Variants in SGCZ observed in about 807,000 individuals in gnomAD.
SGCZ encodes zeta-sarcoglycan.
SGCZ carries 40 observed loss-of-function variants against 41.3 expected under a neutral mutation model. That is an observed-to-expected ratio of 0.97 (90% CI 0.75 to 1.26). SGCZ has a LOEUF of 1.26. Ranked by LOEUF, SGCZ falls within the 50% of genes most tolerant of loss-of-function variation. The pLI is 0.00. For synonymous variants in SGCZ, 206 were observed against 137.5 expected, an observed-to-expected ratio of 1.50 and a Z score of -3.49; for missense variants, 552 against 369.8, an observed-to-expected ratio of 1.49 and a Z score of -4.04.
intron 4 of SGCZ, among the ~76,000 whole-genome samples, chr8:14,176,377 T>C (rs936338431): frequency 6.6e-6 from 1 of 152,232 alleles, no homozygotes; most frequent in Non-Finnish European, 1.5e-5. Flanking sequence ...AATTTTTATG[T>C]TTATAATTTA....
intron 1 of SGCZ, among the ~76,000 whole-genome samples, chr8:14,839,161 T>C (rs1802811538): frequency 6.6e-6 from 1 of 152,150 alleles, no homozygotes; most frequent in Non-Finnish European, 1.5e-5. Context: ...TAAACTAGTA[T>C]GATATTGATA....
chr8:15,063,636 C>A (rs1805020821), intron 1 of SGCZ, among the ~76,000 whole-genome samples: 2 of 152,130 alleles, frequency 1.3e-5, no homozygotes, highest in Non-Finnish European at 2.9e-5. Context: ...TCTGAAATGA[C>A]TTTGAATATT....
At chr8:14,714,181 C>T (rs1280133111) in intron 1 of SGCZ, among the ~76,000 whole-genome samples, 2 of 152,088 alleles carry the variant, frequency 1.3e-5, no homozygotes, top group Non-Finnish European at 2.9e-5. Context: ...GTTGGCCAGG[C>T]TGGTTTCGAA....
At chr8:14,900,296 TG>T (rs1325247747) in intron 1 of SGCZ, among the ~76,000 whole-genome samples, 1 of 152,048 alleles carries the variant, frequency 6.6e-6, no homozygotes, top group African/African-American at 2.4e-5. Flanking sequence ...AAAAATCAAT[TG>T]GATGATTTTT....
intron 1 of SGCZ, among the ~76,000 whole-genome samples, chr8:14,665,789 C>T (rs1807891891): frequency 1.3e-5 from 2 of 152,176 alleles, no homozygotes; most frequent in Non-Finnish European, 1.5e-5. Context: ...GAAATCTTTA[C>T]TAGCTGTAAA....
intron 2 of SGCZ, among the ~76,000 whole-genome samples, chr8:14,473,428 C>T (rs1167313712): frequency 6.6e-6 from 1 of 152,032 alleles, no homozygotes; most frequent in Non-Finnish European, 1.5e-5. Context: ...ATGAATTTTT[C>T]ACCATCAACC....
chr8:14,374,906 G>A (rs867426647), intron 2 of SGCZ, among the ~76,000 whole-genome samples: 17 of 152,162 alleles, frequency 1.1e-4, no homozygotes, highest in African/African-American at 3.6e-4. Flanking sequence ...CAGAATGAGA[G>A]GGAGATAGCA....
At chr8:14,938,460 T>G (rs1378401366) in intron 1 of SGCZ, among the ~76,000 whole-genome samples, 1 of 152,152 alleles carries the variant, frequency 6.6e-6, no homozygotes, top group Non-Finnish European at 1.5e-5. Context: ...ACTCAATGAA[T>G]AGTAAATATA....
At chr8:14,323,985 T>G in intron 3 of SGCZ, 118 bp downstream of exon 3, 1 of 623,972 alleles carries the variant, frequency 1.6e-6, no homozygotes, top group Non-Finnish European at 2.7e-6. Context: ...ACATAGGTGT[T>G]TAGCTTAAGG....
At chr8:14,128,490 G>A (rs1213649535) in intron 5 of SGCZ, among the ~76,000 whole-genome samples, 1 of 152,166 alleles carries the variant, frequency 6.6e-6, no homozygotes, top group Non-Finnish European at 1.5e-5. Context: ...AAAACAGTAT[G>A]CAGATTTCTC....
chr8:14,309,097 G>A (rs1378643170), intron 3 of SGCZ: 3 of 1,447,252 alleles, frequency 2.1e-6, no homozygotes, highest in Non-Finnish European at 2.9e-6. Flanking sequence ...CTCATCAGGA[G>A]GTTGCTAACC....
chr8:14,561,764 T>A (rs1314282451), intron 1 of SGCZ, among the ~76,000 whole-genome samples: 2 of 152,188 alleles, frequency 1.3e-5, no homozygotes, highest in Non-Finnish European at 2.9e-5. Flanking sequence ...GGTTTAAATT[T>A]GCACTTTGAA....
chr8:14,796,683 A>G (rs533369658), intron 1 of SGCZ, among the ~76,000 whole-genome samples: 12 of 152,080 alleles, frequency 7.9e-5, no homozygotes, highest in African/African-American at 2.7e-4. Flanking sequence ...GTAAACATCA[A>G]CTCAACTGGG....
intron 5 of SGCZ, among the ~76,000 whole-genome samples, chr8:14,132,619 A>G (rs553922915): frequency 2.0e-4 from 31 of 152,324 alleles, no homozygotes; most frequent in African/African-American, 7.2e-4. Context: ...CTACTTGAAC[A>G]TATTTTAAAT....
At chr8:14,233,397 A>T (rs2117155509) in intron 4 of SGCZ, among the ~76,000 whole-genome samples, 1 of 151,678 alleles carries the variant, frequency 6.6e-6, no homozygotes, top group East Asian at 1.9e-4. Flanking sequence ...GTTTAAAAAT[A>T]GTATGTTAAA....
At chr8:14,726,823 G>T (rs1316691239) in intron 1 of SGCZ, among the ~76,000 whole-genome samples, 1 of 151,950 alleles carries the variant, frequency 6.6e-6, no homozygotes, top group East Asian at 1.9e-4. Context: ...TTTACAATCT[G>T]CCAAATACTG....
intron 2 of SGCZ, among the ~76,000 whole-genome samples, chr8:14,546,347 C>T (rs1463960418): frequency 2.0e-5 from 3 of 152,142 alleles, no homozygotes; most frequent in African/African-American, 7.2e-5. Context: ...AAACTACGGG[C>T]TTAAATCACC....
At chr8:14,456,228 G>A (rs1002652797) in intron 2 of SGCZ, among the ~76,000 whole-genome samples, 2 of 152,100 alleles carry the variant, frequency 1.3e-5, no homozygotes, top group Non-Finnish European at 2.9e-5. Context: ...GACCAACATA[G>A]TGAAACCCTG....
chr8:15,199,143 A>T (rs1800820593), intron 1 of SGCZ, among the ~76,000 whole-genome samples: 1 of 152,206 alleles, frequency 6.6e-6, no homozygotes, highest in African/African-American at 2.4e-5. Context: ...CGACATTCTA[A>T]AAGTTTGACA....
Sources: gnomAD v4.1 joint callset for allele counts (sites outside exome capture counted in the v4.1 genomes callset) on GRCh38, gnomAD v4.1.1 for gene constraint, MANE v1.5 for transcripts, NCBI Gene and HGNC (gene_info 2026-07-23, HGNC 2026-07-21) for gene names.